Variants in PTPN2 observed in about 807,000 individuals in gnomAD.
The protein encoded by PTPN2 is protein tyrosine phosphatase non-receptor type 2, also known as tyrosine-protein phosphatase non-receptor type 2.
Under a neutral mutation model 57.3 loss-of-function variants are expected in PTPN2, and 19 were observed. That is an observed-to-expected ratio of 0.33 (90% CI 0.23 to 0.49). PTPN2 has a LOEUF of 0.49. Among genes scored for constraint, PTPN2 ranks in the 20% least tolerant of loss-of-function variants. PTPN2 has a pLI of 0.99. For missense variants in PTPN2, 358 were observed against 501.1 expected, an observed-to-expected ratio of 0.71 and a Z score of 2.73; for synonymous variants, 153 against 164.9, an observed-to-expected ratio of 0.93 and a Z score of 0.55.
chr18:12,818,245 CAT>C (rs2042145312), intron 5 of PTPN2, among the ~76,000 whole-genome samples: 1 of 152,140 alleles, frequency 6.6e-6, no homozygotes, highest in South Asian at 2.1e-4. Context: ...CTCCCGTTCA[CAT>C]GATTATCTTT....
chr18:12,816,504 T>G (rs2042079755), intron 6 of PTPN2, among the ~76,000 whole-genome samples: 1 of 152,060 alleles, frequency 6.6e-6, no homozygotes, highest in African/African-American at 2.4e-5. Context: ...AGACAGAAGT[T>G]AGGAGAAGTA....
intron 3 of PTPN2, among the ~76,000 whole-genome samples, chr18:12,831,457 T>A (rs142583274): frequency 3.3e-4 from 51 of 152,326 alleles, no homozygotes; most frequent in African/African-American, 1.1e-3. Context: ...GTGGCTATAG[T>A]ATTCATGTAC....
rs60239177 is a variant in PTPN2, at chr18:12,835,382, CTT to C, written c.261+1407_261+1408del. Reference sequence around the variant, plus strand: ...CTGCAATGAACATGATCACATATGTCTTTTTTTTTTTTTTGGACAGTTTTGCT... The same window carrying C: ...CTGCAATGAACATGATCACATATGTCTTTTTTTTTTTTGGACAGTTTTGCT... On this transcript the variant is annotated intron_variant, in intron 3 of 8. Coordinates refer to ENST00000309660, the MANE Select transcript of PTPN2 (RefSeq NM_002828.4). Among the ~76,000 whole-genome samples the C allele has an allele frequency of 3.6e-4, 36 of 99,020 alleles. 3 individuals are homozygous for C. Among genetic ancestry groups the C allele is most frequent in the African/African-American group, 1.4e-3 (34 of 23,912 alleles). 65.0% of individuals were successfully genotyped at this position (99,020 alleles called of 152,430 possible).
rs865797908 is a variant in PTPN2, at chr18:12,874,559, C to G, written c.69+9514G>C. 1.6e-4 allele frequency among the ~76,000 whole-genome samples: 18 copies of G among 115,092 alleles called. 1 individual carries two copies. The Middle Eastern group carries it at 0.031, about 200-fold the overall frequency. The allele number at this position is 115,092 out of a possible 152,430, so 75.5% of individuals were successfully genotyped here. A position where few individuals can be genotyped will look rare whatever the true frequency, so the allele number is the denominator to read the frequency against. On this transcript the variant is annotated intron_variant, in intron 1 of 8. Transcript: ENST00000309660. ...GGGGGGGGGTCAGCTCCCCGCCCGGCCAGCCGCCCCGTCCGGGAGGGAGGT... is the reference window on the plus strand; with the variant it reads ...GGGGGGGGGTCAGCTCCCCGCCCGGGCAGCCGCCCCGTCCGGGAGGGAGGT...
chr18:12,825,918 T>C lies in PTPN2; in HGVS notation c.387A>G (p.Thr129=). 6.2e-7 allele frequency: 1 copy of C among 1,610,784 alleles called. No homozygotes were observed. Among genetic ancestry groups the C allele is most frequent in the Non-Finnish European group, 8.5e-7 (1 of 1,177,320 alleles). ...CTTTAAACAGCATCTCTTGGTCATC[T>C]GTTGGCCAGTACTGTGCACATTTAA... ...ESVKCAQYWP[T]DDQEMLFKET... The change falls in exon 5 of 9, where the codon ACA becomes ACG. Residue 129 remains threonine, a synonymous_variant. Transcript: ENST00000309660.
At chr18:12,843,527 C>T (rs2043115186) in intron 2 of PTPN2, among the ~76,000 whole-genome samples, 1 of 152,192 alleles carries the variant, frequency 6.6e-6, no homozygotes, top group African/African-American at 2.4e-5. Flanking sequence ...TCCCTCCACC[C>T]AGCGTAAGTG....
chr18:12,799,978 G>A (rs188739599), intron 8 of PTPN2, among the ~76,000 whole-genome samples: 16 of 152,046 alleles, frequency 1.1e-4, no homozygotes, highest in Non-Finnish European at 1.9e-4. Flanking sequence ...AGACTTCTCC[G>A]CTTAGAATTC....
chr18:12,829,968 A>G (rs1455048738), intron 4 of PTPN2, among the ~76,000 whole-genome samples: 1 of 152,226 alleles, frequency 6.6e-6, no homozygotes, highest in South Asian at 2.1e-4. Context: ...CAACCACCAT[A>G]AACATGATTT....
At position 12,840,647 on chromosome 18, in the gene PTPN2, G is replaced by A. The variant is rs73404463; in HGVS notation, c.161-3756C>T. 1.4e-3 allele frequency: 2,102 copies of A among 1,547,862 alleles called. 38 individuals are homozygous for A. The African/African-American group carries it at 0.026, about 19-fold the overall frequency. On this transcript the variant is annotated intron_variant, in intron 2 of 8. Transcript: ENST00000309660. Reference sequence around the variant, plus strand: ...TCGCACTGTCACTCAGGGAAGTCAAGTCATCACAAGTGTAACACACTAGAG... The same window carrying A: ...TCGCACTGTCACTCAGGGAAGTCAAATCATCACAAGTGTAACACACTAGAG...
At chr18:12,839,969 T>C (rs149282403) in intron 2 of PTPN2, among the ~76,000 whole-genome samples, 8 of 152,054 alleles carry the variant, frequency 5.3e-5, no homozygotes, top group African/African-American at 1.9e-4. Context: ...CCCACAGCTT[T>C]CACCAAATAT....
intron 5 of PTPN2, 77 bp downstream of exon 5, chr18:12,825,733 A>G: frequency 7.1e-7 from 1 of 1,404,102 alleles, no homozygotes; most frequent in Non-Finnish European, 9.7e-7. Context: ...TGCTTATCAA[A>G]CTTCAAATCT....
chr18:12,854,025 G>C (rs2043487275), intron 2 of PTPN2, among the ~76,000 whole-genome samples: 1 of 152,098 alleles, frequency 6.6e-6, no homozygotes, highest in Admixed American at 6.5e-5. Flanking sequence ...AGTAGGGCCT[G>C]AACCAAGCCA....
intron 1 of PTPN2, among the ~76,000 whole-genome samples, chr18:12,870,414 T>A (rs572633595): frequency 1.5e-5 from 1 of 68,788 alleles, no homozygotes. Context: ...CGTATATATA[T>A]GTATATATAT....
chr18:12,868,407 A>C (rs2044068570), intron 1 of PTPN2, among the ~76,000 whole-genome samples: 1 of 151,836 alleles, frequency 6.6e-6, no homozygotes, highest in African/African-American at 2.4e-5. Context: ...GGTGCACATC[A>C]CCATGCCTGG....
chr18:12,793,647 T>C lies in PTPN2; in HGVS notation c.*631A>G, dbSNP rs2041053126. On this transcript the variant is annotated 3_prime_UTR_variant, in exon 9 of 9. Coordinates refer to ENST00000309660, the MANE Select transcript of PTPN2 (RefSeq NM_002828.4). ...CAACTTCTAACTGCTCATATCAAAC[T>C]TCTCTTTAGAAAAATGGAAAATGTA... The C allele has an allele frequency of 4.1e-6, 4 of 983,426 alleles. No individual in the cohort carries two copies. The highest frequency in any genetic ancestry group is 9.4e-5 in the South Asian group (2 of 21,232). The allele number at this position is 983,426 out of a possible 1,614,324, so 60.9% of individuals were successfully genotyped here. A position where few individuals can be genotyped will look rare whatever the true frequency, so the allele number is the denominator to read the frequency against.
At chr18:12,822,527 G>A (rs1318584099) in intron 5 of PTPN2, among the ~76,000 whole-genome samples, 2 of 152,188 alleles carry the variant, frequency 1.3e-5, no homozygotes, top group East Asian at 3.8e-4. Context: ...CTTTAAGTAA[G>A]TCACTAAAGG....
chr18:12,826,415 G>A (rs556538538), intron 4 of PTPN2, among the ~76,000 whole-genome samples: 9 of 152,194 alleles, frequency 5.9e-5, no homozygotes, highest in East Asian at 3.9e-4. Flanking sequence ...GGAGCAGGGC[G>A]GGTAGAGATT....
At chr18:12,833,331 C>T (rs2042734788) in intron 3 of PTPN2, among the ~76,000 whole-genome samples, 1 of 152,168 alleles carries the variant, frequency 6.6e-6, no homozygotes. Context: ...AAACAACCTG[C>T]TAGATGCAAG....
intron 3 of PTPN2, among the ~76,000 whole-genome samples, chr18:12,832,623 A>G (rs544803701): frequency 6.6e-6 from 1 of 152,290 alleles, no homozygotes; most frequent in African/African-American, 2.4e-5. Context: ...AAAACAAAAC[A>G]CAGTCTAAAG....
Sources: gnomAD v4.1 joint callset for allele counts (sites outside exome capture counted in the v4.1 genomes callset) on GRCh38, gnomAD v4.1.1 for gene constraint, MANE v1.5 for transcripts, NCBI Gene and HGNC (gene_info 2026-07-23, HGNC 2026-07-21) for gene names.